PDIA6: variants seen among roughly 807,000 people sequenced by gnomAD.
PDIA6 encodes the protein protein disulfide isomerase family A member 6.
PDIA6 carries 29 observed loss-of-function variants against 58.4 expected under a neutral mutation model. The observed-to-expected ratio is 0.50, with a 90% CI of 0.37 to 0.68. The LOEUF (loss-of-function observed/expected upper bound fraction) is 0.68. Among genes scored for constraint, PDIA6 ranks in the 30% least tolerant of loss-of-function variants. PDIA6 has a pLI of 0.00. For synonymous variants in PDIA6, 192 were observed against 202.6 expected (o/e 0.95, Z 0.44); for missense variants, 480 against 551.0 (o/e 0.87, Z 1.29).
Position 10,791,945 on chromosome 2 carries a change from A to C in PDIA6, c.454-20T>G. ...TCTGCCCTGTCATTTATGACATTAA[A>C]CATCAAACAATTGGGCCAAGAAGAA... On this transcript the variant is annotated intron_variant, in intron 5 of 12. Coordinates refer to ENST00000272227, the MANE Select transcript of PDIA6 (RefSeq NM_005742.4). The C allele has an allele frequency of 1.9e-6, 3 of 1,610,570 alleles. No homozygotes were observed. Among genetic ancestry groups the C allele is most frequent in the Non-Finnish European group, 2.5e-6 (3 of 1,178,472 alleles).
At position 10,797,746 on chromosome 2, in the gene PDIA6, C is replaced by CA; in HGVS notation, c.172dup (p.Cys58LeufsTer25). 2 of 1,612,340 alleles carry CA rather than the reference C, an allele frequency of 1.2e-6. No homozygotes were observed. Among genetic ancestry groups the CA allele is most frequent in the East Asian group, 4.5e-5 (2 of 44,848 alleles). On this transcript the variant is annotated frameshift_variant, in exon 3 of 13. Transcript: ENST00000272227. LOFTEE classifies it high-confidence loss of function. ...CTTCCATTCTGGTGTTAATCTTTGACAGTGACCACACCTTTTGGGGGAAGA... is the reference window on the plus strand; with the variant it reads ...CTTCCATTCTGGTGTTAATCTTTGACAAGTGACCACACCTTTTGGGGGAAGA...
chr2:10,812,482 G>T (rs1427357794), intron 1 of PDIA6, among the ~76,000 whole-genome samples, 196 bp downstream of exon 1: 3 of 151,690 alleles, frequency 2.0e-5, no homozygotes, highest in Non-Finnish European at 4.4e-5. Context: ...CCCCACGGGC[G>T]CCCGAGTCTC....
intron 1 of PDIA6, among the ~76,000 whole-genome samples, chr2:10,807,188 G>A (rs766594835): frequency 1.7e-4 from 26 of 152,148 alleles, no homozygotes; most frequent in Admixed American, 1.7e-3. Context: ...CATCATGCTG[G>A]CTTTTGGATT....
intron 2 of PDIA6, among the ~76,000 whole-genome samples, chr2:10,798,762 G>A (rs1380139563): frequency 2.0e-5 from 3 of 152,206 alleles, no homozygotes; most frequent in Non-Finnish European, 4.4e-5. Flanking sequence ...CCTAGTGGAA[G>A]AAGTGCATTT....
intron 1 of PDIA6, among the ~76,000 whole-genome samples, chr2:10,807,384 T>C (rs1438277832): frequency 1.3e-5 from 2 of 152,276 alleles, no homozygotes; most frequent in African/African-American, 2.4e-5. Flanking sequence ...TTAAATTTTT[T>C]GTAGAGACAG....
chr2:10,808,028 A>G (rs1306013131), intron 1 of PDIA6, among the ~76,000 whole-genome samples: 6 of 152,242 alleles, frequency 3.9e-5, no homozygotes, highest in Non-Finnish European at 8.8e-5. Context: ...GGTATGAATG[A>G]ACAATTATGG....
Position 10,802,660 on chromosome 2 carries a change from T to G in PDIA6, c.20-20A>C, listed in dbSNP as rs1329103038. 2.1e-6 allele frequency: 3 copies of G among 1,414,466 alleles called. No individual in the cohort carries two copies. Among genetic ancestry groups the G allele is most frequent in the African/African-American group, 1.5e-5 (1 of 67,610 alleles). The allele number at this position is 1,414,466 out of a possible 1,614,324, so 87.6% of individuals were successfully genotyped here. ...CCAGACCTGAAGATAAAAACAAAAGTGCACCATTAACAGCACTGTTCATGC... is the reference window on the plus strand; with the variant it reads ...CCAGACCTGAAGATAAAAACAAAAGGGCACCATTAACAGCACTGTTCATGC... On this transcript the variant is annotated intron_variant, in intron 1 of 12. Transcript: ENST00000272227.
At chr2:10,794,318 CATCTATA>C (rs1175573095) in intron 4 of PDIA6, among the ~76,000 whole-genome samples, 6 of 151,696 alleles carry the variant, frequency 4.0e-5, no homozygotes, top group Non-Finnish European at 7.4e-5. Context: ...TGGTGGTGGA[CATCTATA>C]ATCCCAGCTA....
upstream of PDIA6, chr2:10,815,417 C>CT (rs113854593): frequency 0.14 from 21,335 of 151,906 alleles, 2,007 homozygotes; most frequent in African/African-American, 0.26. Context: ...GGAATAACTT[C>CT]TTTTTTTTGT....
chr2:10,806,628 C>CGAAAGAGAGAAAGAGAGAAAGAA (rs1553339930), intron 1 of PDIA6, among the ~76,000 whole-genome samples: 1 of 70,366 alleles, frequency 1.4e-5, no homozygotes, highest in Non-Finnish European at 3.9e-5. Context: ...AAAATAAAGA[C>CGAAAGAGAGAAAGAGAGAAAGAA]AGAAAGAAAG....
chr2:10,799,387 A>G (rs1041865074), intron 2 of PDIA6, among the ~76,000 whole-genome samples: 1 of 152,242 alleles, frequency 6.6e-6, no homozygotes, highest in Non-Finnish European at 1.5e-5. Flanking sequence ...ATCAGCATGA[A>G]GCTGAGGGCA....
chr2:10,807,198 T>C (rs192576090), intron 1 of PDIA6, among the ~76,000 whole-genome samples: 3 of 152,312 alleles, frequency 2.0e-5, no homozygotes, highest in Admixed American at 2.0e-4. Context: ...GCTTTTGGAT[T>C]GAAATAAATA....
At chr2:10,803,349 G>A (rs1203901319) in intron 1 of PDIA6, among the ~76,000 whole-genome samples, 1 of 152,122 alleles carries the variant, frequency 6.6e-6, no homozygotes, top group African/African-American at 2.4e-5. Flanking sequence ...TAGAGACAGG[G>A]TTTCTCCATG....
upstream of PDIA6, among the ~76,000 whole-genome samples, chr2:10,813,290 T>C (rs1459639160): frequency 6.6e-6 from 1 of 152,188 alleles, no homozygotes; most frequent in Non-Finnish European, 1.5e-5. Context: ...AAGTTTCTAT[T>C]TTGTTGAATT....
upstream of PDIA6, among the ~76,000 whole-genome samples, chr2:10,834,884 A>G (rs1189937953): frequency 1.3e-5 from 2 of 151,978 alleles, no homozygotes; most frequent in Non-Finnish European, 2.9e-5. Flanking sequence ...CTCTTGCCTC[A>G]GCCTCCTTAG....
At chr2:10,826,603 G>C (rs1667562682) in intron 1 of PDIA6, among the ~76,000 whole-genome samples, 1 of 152,104 alleles carries the variant, frequency 6.6e-6, no homozygotes, top group Non-Finnish European at 1.5e-5. Flanking sequence ...CAGGTGATCT[G>C]CTTGCCTCAG....
chr2:10,819,996 GC>G (rs1667333409), intron 1 of PDIA6, among the ~76,000 whole-genome samples: 1 of 152,190 alleles, frequency 6.6e-6, no homozygotes, highest in Non-Finnish European at 1.5e-5. Context: ...CCTCACAGCA[GC>G]CCTGCAGTTA....
At chr2:10,819,782 C>T (rs1197854523) in intron 1 of PDIA6, among the ~76,000 whole-genome samples, 1 of 152,136 alleles carries the variant, frequency 6.6e-6, no homozygotes, top group East Asian at 1.9e-4. Flanking sequence ...TTAAACACTG[C>T]TTTATTTAAA....
chr2:10,837,612 G>T, exon 1 of PDIA6: 1 of 1,094,444 alleles, frequency 9.1e-7, no homozygotes, highest in Non-Finnish European at 1.3e-6. Flanking sequence ...TCATTTTGCA[G>T]TCAGAAAAGC....
Sources: allele counts gnomAD v4.1 joint callset (sites outside exome capture counted in the v4.1 genomes callset), GRCh38; gene constraint gnomAD v4.1.1; transcripts MANE v1.5; gene names NCBI Gene and HGNC (gene_info 2026-07-23, HGNC 2026-07-21).